SEC14L1: variants seen among roughly 807,000 people sequenced by gnomAD.
The protein encoded by SEC14L1 is SEC14 like lipid binding 1, also known as SEC14-like protein 1.
SEC14L1 carries 48 observed loss-of-function variants against 85.3 expected under a neutral mutation model. The observed-to-expected ratio is 0.56, with a 90% CI of 0.45 to 0.72. The LOEUF (loss-of-function observed/expected upper bound fraction) is 0.72, where lower values mean the gene tolerates loss of function less well. Among genes scored for constraint, SEC14L1 ranks in the 30% least tolerant of loss-of-function variants. SEC14L1 has a pLI of 0.00. For missense variants in SEC14L1, 682 were observed against 921.4 expected, an observed-to-expected ratio of 0.74 and a Z score of 3.36; for synonymous variants, 391 against 355.5, an observed-to-expected ratio of 1.10 and a Z score of -1.12.
intron 3 of SEC14L1, among the ~76,000 whole-genome samples, chr17:77,184,505 G>A (rs147618033): frequency 0.038 from 5,792 of 151,722 alleles, 129 homozygotes; most frequent in Non-Finnish European, 0.055. Flanking sequence ...ATAATGCTTT[G>A]CCACCCTTTT....
intron 3 of SEC14L1, among the ~76,000 whole-genome samples, chr17:77,105,159 G>A (rs1230753930): frequency 1.3e-5 from 2 of 152,068 alleles, no homozygotes; most frequent in African/African-American, 2.4e-5. Flanking sequence ...AATAGAAGGG[G>A]AGGCAGGTTG....
chr17:77,135,557 C>A (rs930241313), intron 3 of SEC14L1, among the ~76,000 whole-genome samples: 1 of 151,866 alleles, frequency 6.6e-6, no homozygotes, highest in African/African-American at 2.4e-5. Context: ...GACAGTGTTG[C>A]TCTGTCTCTC....
chr17:77,124,285 GC>G (rs1972379981), intron 3 of SEC14L1, among the ~76,000 whole-genome samples: 3 of 152,132 alleles, frequency 2.0e-5, no homozygotes, highest in Non-Finnish European at 4.4e-5. Flanking sequence ...GATCATTTGC[GC>G]CCAGGAGGTC....
chr17:77,146,296 A>C (rs1025948041), intron 3 of SEC14L1, among the ~76,000 whole-genome samples: 2 of 152,204 alleles, frequency 1.3e-5, no homozygotes, highest in African/African-American at 4.8e-5. Context: ...ATGTTCTCCA[A>C]AACACTTGAG....
intron 3 of SEC14L1, among the ~76,000 whole-genome samples, chr17:77,155,095 C>A (rs1044909620): frequency 2.0e-5 from 3 of 152,196 alleles, no homozygotes; most frequent in Admixed American, 1.3e-4. Context: ...GGCAGCACTT[C>A]CTGGGCAGCC....
intron 3 of SEC14L1, among the ~76,000 whole-genome samples, chr17:77,100,050 G>A (rs1971731041): frequency 6.6e-6 from 1 of 152,212 alleles, no homozygotes; most frequent in Non-Finnish European, 1.5e-5. Context: ...AAGCTTCCCT[G>A]CTCTGGCGCT....
chr17:77,115,196 C>T (rs540343599), intron 3 of SEC14L1, among the ~76,000 whole-genome samples: 1 of 151,820 alleles, frequency 6.6e-6, no homozygotes, highest in South Asian at 2.1e-4. Context: ...TTTGGGAGGC[C>T]GAGGTGGGTG....
At chr17:77,168,874 C>G (rs962219530) in intron 3 of SEC14L1, among the ~76,000 whole-genome samples, 3 of 151,972 alleles carry the variant, frequency 2.0e-5, no homozygotes, top group African/African-American at 7.3e-5. Flanking sequence ...TATAGTTGAC[C>G]ACCAGAACAG....
intron 3 of SEC14L1, among the ~76,000 whole-genome samples, chr17:77,099,875 T>A (rs1177547818): frequency 6.6e-6 from 1 of 152,174 alleles, no homozygotes; most frequent in Non-Finnish European, 1.5e-5. Flanking sequence ...TATTAAGAGA[T>A]CAAAATGAAA....
chr17:77,185,243 G>C (rs1199944740), intron 3 of SEC14L1: 1 of 985,386 alleles, frequency 1.0e-6, no homozygotes, highest in Non-Finnish European at 1.2e-6. Context: ...GACAGGCTTG[G>C]AAGAGAATGT....
rs181400509 is a variant in SEC14L1, at chr17:77,151,426, G to A, written c.63+7767G>A. ...AGCCAGACCTTCTCCCTTGTGTTCC[G>A]TCTCAGCATTATGCATTCCAGTTGG... On this transcript the variant is annotated intron_variant, in intron 3 of 16. Coordinates refer to ENST00000436233, the MANE Select transcript of SEC14L1 (RefSeq NM_001143998.2). Among the ~76,000 whole-genome samples the A allele has an allele frequency of 9.0e-4, 137 of 152,202 alleles. 3 individuals are homozygous for A. The highest frequency in any genetic ancestry group is 8.8e-5 in the Non-Finnish European group (6 of 68,016).
At chr17:77,145,115 G>GTGTGTGTGTGTGTGTGTT (rs1358959313) in intron 3 of SEC14L1, 1 of 94,216 alleles carries the variant, frequency 1.1e-5, no homozygotes, top group Admixed American at 1.0e-4. Flanking sequence ...GTGTGTGTGT[G>GTGTGTGTGTGTGTGTGTT]TGTGTGTGTG....
In SEC14L1 at chr17:77,205,359, T is replaced by C. The variant is rs759635240; in HGVS notation, c.1169+13T>C. ...GTCGGCCTATCAGGTAGATGTGGGA[T>C]TTTGTTTTTCCTTTCAACTTACTGA... On this transcript the variant is annotated intron_variant, in intron 11 of 16. Transcript: ENST00000436233. The C allele has an allele frequency of 1.2e-6, 2 of 1,611,674 alleles. No homozygotes were observed. The highest frequency in any genetic ancestry group is 4.5e-5 in the East Asian group (2 of 44,872).
chr17:77,200,782 C>T (rs776952880), intron 9 of SEC14L1, 109 bp downstream of exon 9: 19 of 994,834 alleles, frequency 1.9e-5, no homozygotes, highest in African/African-American at 9.8e-5. Flanking sequence ...TTGAGTGCAT[C>T]GTTTCTCCTC....
chr17:77,180,036 ATGTTTTGTTT>A (rs201838913), intron 3 of SEC14L1, among the ~76,000 whole-genome samples: 4 of 127,254 alleles, frequency 3.1e-5, no homozygotes, highest in Non-Finnish European at 6.7e-5. Context: ...TTTTGATGTT[ATGTTTTGTTT>A]TGTTATGTTA....
At chr17:77,194,966 C>T (rs779343730) in intron 7 of SEC14L1, 55 bp downstream of exon 7, 1 of 1,316,148 alleles carries the variant, frequency 7.6e-7, no homozygotes. Flanking sequence ...TCGGCGTTGC[C>T]GTTTTCTCTC....
At chr17:77,161,536 A>G (rs1205079777) in intron 3 of SEC14L1, among the ~76,000 whole-genome samples, 3 of 152,166 alleles carry the variant, frequency 2.0e-5, no homozygotes, top group African/African-American at 7.2e-5. Context: ...TAACTGGTCA[A>G]TAGACTGAGT....
At chr17:77,123,788 G>A (rs1289258299) in intron 3 of SEC14L1, among the ~76,000 whole-genome samples, 1 of 152,154 alleles carries the variant, frequency 6.6e-6, no homozygotes, top group Admixed American at 6.5e-5. Context: ...GCCAGGCAGG[G>A]GCCAGCTTCC....
chr17:77,160,634 T>C (rs1319385607), intron 3 of SEC14L1, among the ~76,000 whole-genome samples: 4 of 152,254 alleles, frequency 2.6e-5, no homozygotes, highest in Non-Finnish European at 4.4e-5. Context: ...ATCTTAAGTA[T>C]AAAGATTTGT....
Sources: allele counts gnomAD v4.1 joint callset (sites outside exome capture counted in the v4.1 genomes callset), GRCh38; gene constraint gnomAD v4.1.1; transcripts MANE v1.5; gene names NCBI Gene and HGNC (gene_info 2026-07-23, HGNC 2026-07-21).